The following KAZN variants were observed in gnomAD, a reference collection of about 807,000 sequenced individuals.
The protein encoded by KAZN is kazrin, periplakin interacting protein, also known as kazrin.
Under a neutral mutation model 87.4 loss-of-function variants are expected in KAZN, and 40 were observed. The observed-to-expected ratio is 0.46, with a 90% CI of 0.36 to 0.60. The LOEUF is 0.60. Among genes scored for constraint, KAZN ranks in the 20% least tolerant of loss-of-function variants. The pLI, the probability that KAZN is intolerant of heterozygous loss-of-function variation, is 0.00. For missense variants in KAZN, 898 were observed against 1,073.9 expected, an observed-to-expected ratio of 0.84 and a Z score of 2.29; for synonymous variants, 466 against 458.3, an observed-to-expected ratio of 1.02 and a Z score of -0.22.
At position 15,094,314 on chromosome 1, in the gene KAZN, G is replaced by A; in HGVS notation, c.1357G>A (p.Ala453Thr). 12 of 1,613,970 alleles carry A rather than the reference G, an allele frequency of 7.4e-6. No individual in the cohort carries two copies. The highest frequency in any genetic ancestry group is 9.3e-6 in the Non-Finnish European group (11 of 1,179,884). Reference sequence around the variant, plus strand: ...CCACTGGAAGGCGGGCACCGTCCAGGCCTGGCTGGAGGTGGTGATGGCCAT... The same window carrying A: ...CCACTGGAAGGCGGGCACCGTCCAGACCTGGCTGGAGGTGGTGATGGCCAT... Reference protein sequence around the residue: ...MSHWKAGTVQAWLEVVMAMPM... With the variant: ...MSHWKAGTVQTWLEVVMAMPM... The change falls in exon 9 of 15, where the codon GCC (alanine) becomes ACC (threonine). Residue 453 changes from alanine (A) to threonine (T), a missense_variant. This residue lies in a region of KAZN where 521 missense variants were observed against 689.4 expected (regional missense o/e 0.76). Coordinates refer to ENST00000376030, the MANE Select transcript of KAZN (RefSeq NM_201628.3). This position sits in a 1 kb window ranked among gnomAD's most constrained non-coding sequence, Gnocchi z 4.5.
chr1:15,048,808 T>C (rs575648841), intron 4 of KAZN, among the ~76,000 whole-genome samples: 2 of 150,356 alleles, frequency 1.3e-5, no homozygotes, highest in East Asian at 4.0e-4. Flanking sequence ...TCCTGAGTCG[T>C]TGGTCCTGGG....
At chr1:14,076,909 C>A (rs1643481880) in intron 1 of KAZN, among the ~76,000 whole-genome samples, 1 of 152,130 alleles carries the variant, frequency 6.6e-6, no homozygotes, top group Non-Finnish European at 1.5e-5. Flanking sequence ...ACTAAAGATG[C>A]AAGGTGAGGA....
At chr1:14,025,197 T>G (rs753830370) in intron 1 of KAZN, among the ~76,000 whole-genome samples, 1 of 152,212 alleles carries the variant, frequency 6.6e-6, no homozygotes, top group Non-Finnish European at 1.5e-5. Context: ...ATGAATATCA[T>G]GCACTTCACT....
At chr1:14,486,564 C>T (rs1669359616) in intron 2 of KAZN, among the ~76,000 whole-genome samples, 1 of 152,184 alleles carries the variant, frequency 6.6e-6, no homozygotes. Context: ...TTTCCTCTGT[C>T]TTGTTTTATA....
At chr1:14,229,802 T>G (rs995303017) in intron 2 of KAZN, among the ~76,000 whole-genome samples, 5 of 152,258 alleles carry the variant, frequency 3.3e-5, no homozygotes, top group African/African-American at 1.2e-4. Flanking sequence ...TACAGGAAGA[T>G]GTTCTGAAAA....
chr1:14,030,099 A>G (rs1641253848), intron 1 of KAZN, among the ~76,000 whole-genome samples: 1 of 151,538 alleles, frequency 6.6e-6, no homozygotes, highest in South Asian at 2.1e-4. Flanking sequence ...GATTCTTCCT[A>G]CCCATGAGCA....
chr1:14,059,293 G>A (rs999120569), intron 1 of KAZN, among the ~76,000 whole-genome samples: 4 of 152,298 alleles, frequency 2.6e-5, no homozygotes, highest in South Asian at 2.1e-4. Flanking sequence ...CAAAACCAAG[G>A]AAGCTGACAG....
chr1:14,713,795 A>AAAAAAG (rs1553215142), intron 1 of KAZN, among the ~76,000 whole-genome samples: 25 of 121,780 alleles, frequency 2.1e-4, no homozygotes, highest in African/African-American at 6.6e-4. Flanking sequence ...AAAAAAAAAA[A>AAAAAAG]AAAAAGAAAG....
chr1:14,553,559 C>T (rs577809544), intron 2 of KAZN, among the ~76,000 whole-genome samples: 4 of 152,268 alleles, frequency 2.6e-5, no homozygotes, highest in African/African-American at 9.6e-5. Flanking sequence ...GATGGGAAAA[C>T]TTAGTCTCAA....
chr1:14,833,130 C>T (rs1320947037), intron 1 of KAZN, among the ~76,000 whole-genome samples: 2 of 152,140 alleles, frequency 1.3e-5, no homozygotes, highest in African/African-American at 4.8e-5. Context: ...GACTGTGTAG[C>T]CAGTGAGATG....
chr1:14,638,579 CA>C (rs60784404), intron 1 of KAZN, among the ~76,000 whole-genome samples: 76,825 of 128,630 alleles, frequency 0.6, 21,401 homozygotes, highest in African/African-American at 0.7. Context: ...AAAAAAAAAA[CA>C]AAAAAAAAAA....
intron 2 of KAZN, among the ~76,000 whole-genome samples, chr1:14,588,796 G>A (rs1676009412): frequency 6.6e-6 from 1 of 152,178 alleles, no homozygotes; most frequent in South Asian, 2.1e-4. Context: ...GCTTTCTGCA[G>A]GACTCCCTCG....
At chr1:14,046,295 C>A in intron 1 of KAZN, among the ~76,000 whole-genome samples, 1 of 151,830 alleles carries the variant, frequency 6.6e-6, no homozygotes, top group East Asian at 1.9e-4. Flanking sequence ...ATTCTTGGAG[C>A]CAAAAATAGG....
rs1646254690 is a variant in KAZN, at chr1:14,184,060, C to G, written c.249+3468C>G. Among the ~76,000 whole-genome samples the G allele has an allele frequency of 6.6e-6, 1 of 152,102 alleles. No individual in the cohort carries two copies. Among genetic ancestry groups the G allele is most frequent in the Admixed American group, 6.5e-5 (1 of 15,268 alleles). ...GTCCATCTCTAGGGATGAAAGTAAA[C>G]CCTTCAAAATAAAAATAAACCACAC... On this transcript the variant is annotated intron_variant, in intron 2 of 16. Transcript: ENST00000636203. This position sits in a 1 kb window ranked among gnomAD's most constrained non-coding sequence, Gnocchi z 4.2.
chr1:14,095,952 A>G (rs1644117700), intron 1 of KAZN, among the ~76,000 whole-genome samples: 1 of 152,118 alleles, frequency 6.6e-6, no homozygotes, highest in Admixed American at 6.5e-5. Flanking sequence ...AAAATCACCA[A>G]ATCTCCTATG....
In KAZN at chr1:14,255,419, T is replaced by C. The variant is rs964815589; in HGVS notation, c.249+74827T>C. Among the ~76,000 whole-genome samples, 4 of 152,334 alleles carry C rather than the reference T, an allele frequency of 2.6e-5. No individual in the cohort carries two copies. The South Asian group carries it at 8.3e-4, about 32-fold the overall frequency. ...ATGTGTTTCATGATCTTTTTTTAGA[T>C]ATATATTTTTATGTGTGTAGTCAAA... On this transcript the variant is annotated intron_variant, in intron 2 of 16. Coordinates refer to the KAZN transcript ENST00000636203.
chr1:15,015,201 G>A (rs1469054113), intron 2 of KAZN, among the ~76,000 whole-genome samples: 2 of 151,792 alleles, frequency 1.3e-5, no homozygotes, highest in African/African-American at 2.4e-5. Flanking sequence ...TTGCCAGGCT[G>A]GAGTGCAGTG....
chr1:13,971,623 T>C (rs551065594), intron 1 of KAZN, among the ~76,000 whole-genome samples: 1 of 152,060 alleles, frequency 6.6e-6, no homozygotes, highest in East Asian at 1.9e-4. Context: ...TTGTTGTTGT[T>C]GTATCTGGGA....
intron 2 of KAZN, among the ~76,000 whole-genome samples, chr1:14,964,302 T>C (rs891463946): frequency 6.6e-6 from 1 of 152,226 alleles, no homozygotes; most frequent in African/African-American, 2.4e-5. Context: ...CTTCATAGGA[T>C]TGTTGTGAAG....
Sources: allele counts gnomAD v4.1 joint callset (sites outside exome capture counted in the v4.1 genomes callset), GRCh38; gene constraint gnomAD v4.1.1; regional missense constraint gnomAD v4.1.1; non-coding constraint Gnocchi (gnomAD v3.1); transcripts MANE v1.5; gene names NCBI Gene and HGNC (gene_info 2026-07-23, HGNC 2026-07-21).